KIAA1328: variants seen among roughly 807,000 people sequenced by gnomAD.
The protein encoded by KIAA1328 is KIAA1328.
In KIAA1328, 52 loss-of-function variants were observed where a neutral mutation model predicts 68.1. The ratio of observed to expected loss-of-function variants is 0.76; its 90% confidence interval spans 0.61 to 0.96. KIAA1328 has a LOEUF of 0.96. Ranked by LOEUF, KIAA1328 falls within the 40% of genes least tolerant of loss-of-function variation. The pLI is 0.00. For synonymous variants in KIAA1328, 232 were observed against 239.4 expected (o/e 0.97, Z 0.28); for missense variants, 641 against 677.6 (o/e 0.95, Z 0.60).
At chr18:37,165,490 G>A (rs1329015715) in intron 8 of KIAA1328, among the ~76,000 whole-genome samples, 1 of 151,550 alleles carries the variant, frequency 6.6e-6, no homozygotes, top group East Asian at 1.9e-4. Flanking sequence ...TGCTATATCG[G>A]TTCACTGCAG....
At chr18:36,931,797 G>A (rs753403206) in intron 5 of KIAA1328, among the ~76,000 whole-genome samples, 8 of 150,690 alleles carry the variant, frequency 5.3e-5, no homozygotes, top group Non-Finnish European at 8.8e-5. Context: ...ATACTGTGAT[G>A]CAAATTTTTG....
intron 9 of KIAA1328, among the ~76,000 whole-genome samples, chr18:37,221,365 A>G (rs1240066637): frequency 1.3e-5 from 2 of 152,234 alleles, no homozygotes; most frequent in Non-Finnish European, 2.9e-5. Flanking sequence ...CTAGCCTCTT[A>G]CACATGAAAA....
chr18:37,064,742 T>C (rs1226924274), intron 6 of KIAA1328, among the ~76,000 whole-genome samples: 1 of 151,936 alleles, frequency 6.6e-6, no homozygotes, highest in Non-Finnish European at 1.5e-5. Context: ...CAGTGTGTGA[T>C]GATGATGGAA....
intron 6 of KIAA1328, among the ~76,000 whole-genome samples, chr18:36,979,324 G>T (rs1448901425): frequency 4.6e-5 from 7 of 152,078 alleles, no homozygotes; most frequent in East Asian, 1.9e-4. Flanking sequence ...AAACTGTGAT[G>T]ATTATATGGG....
At position 36,920,203 on chromosome 18, in the gene KIAA1328, A is replaced by G. The variant is rs571563623; in HGVS notation, c.448+34531A>G. 5.3e-5 allele frequency among the ~76,000 whole-genome samples: 8 copies of G among 152,232 alleles called. No individual in the cohort carries two copies. In the South Asian group the frequency reaches 1.5e-3, roughly 28 times the overall value. On this transcript the variant is annotated intron_variant, in intron 5 of 9. Transcript: ENST00000280020. ...TAGTTTGAGATCTTATAAGTCTTTA[A>G]TCCATCTTGAGTTAATTTTTGTATA...
rs917851628 is a variant in KIAA1328, at chr18:37,225,146, G to C, written c.*2919G>C. 3.1e-6 allele frequency: 3 copies of C among 981,702 alleles called. No individual in the cohort carries two copies. Among genetic ancestry groups the C allele is most frequent in the Non-Finnish European group, 3.6e-6 (3 of 827,814 alleles). The allele number at this position is 981,702 out of a possible 1,614,324, so 60.8% of individuals were successfully genotyped here. A position where few individuals can be genotyped will look rare whatever the true frequency, so the allele number is the denominator to read the frequency against. ...TCATAATAGAGATCTTCTGGCCAGAGAATCAGGGGAGAGGAGAGGCCTGAT... is the reference window on the plus strand; with the variant it reads ...TCATAATAGAGATCTTCTGGCCAGACAATCAGGGGAGAGGAGAGGCCTGAT... On this transcript the variant is annotated 3_prime_UTR_variant, in exon 10 of 10. Transcript: ENST00000280020.
Position 36,940,481 on chromosome 18 carries a change from G to A in KIAA1328, c.449-18827G>A, listed in dbSNP as rs148804431. Among the ~76,000 whole-genome samples the A allele has an allele frequency of 4.7e-3, 713 of 152,212 alleles. 4 individuals are homozygous for A. Among genetic ancestry groups the A allele is most frequent in the African/African-American group, 0.016 (675 of 41,522 alleles). On this transcript the variant is annotated intron_variant, in intron 5 of 9. Transcript: ENST00000280020. Reference sequence around the variant, plus strand: ...TCATGAAGTGTACTTTGATAAGAAAGGTATGCCGTTGACAAAGCTTGCTGT... The same window carrying A: ...TCATGAAGTGTACTTTGATAAGAAAAGTATGCCGTTGACAAAGCTTGCTGT...
rs1274273041 is a variant in KIAA1328 at position 37,223,157 on chromosome 18, G to A, written c.*930G>A. On this transcript the variant is annotated 3_prime_UTR_variant, in exon 10 of 10. Coordinates refer to ENST00000280020, the MANE Select transcript of KIAA1328 (RefSeq NM_020776.3). Reference sequence around the variant, plus strand: ...ATGCAAGCTGCTGCAAAGCTGATGGGCTTCCTCTGGCCCTCCCTTTTCCTC... The same window carrying A: ...ATGCAAGCTGCTGCAAAGCTGATGGACTTCCTCTGGCCCTCCCTTTTCCTC... The A allele has an allele frequency of 1.0e-5, 10 of 982,754 alleles. No homozygotes were observed. Among genetic ancestry groups the A allele is most frequent in the Non-Finnish European group, 1.2e-5 (10 of 829,726 alleles). 60.9% of individuals were successfully genotyped at this position (982,754 alleles called of 1,614,324 possible).
intron 7 of KIAA1328, among the ~76,000 whole-genome samples, chr18:37,127,194 C>A (rs2058414204): frequency 6.6e-6 from 1 of 152,200 alleles, no homozygotes; most frequent in African/African-American, 2.4e-5. Flanking sequence ...ACTAGAACTA[C>A]TAAGTGAGTT....
chr18:37,194,463 A>G (rs2059965714), intron 9 of KIAA1328, among the ~76,000 whole-genome samples: 1 of 152,148 alleles, frequency 6.6e-6, no homozygotes, highest in Non-Finnish European at 1.5e-5. Context: ...GAAGAAAGTA[A>G]TCCTTTTTGT....
intron 7 of KIAA1328, among the ~76,000 whole-genome samples, chr18:37,105,883 C>T (rs2057756396): frequency 8.1e-6 from 1 of 122,804 alleles, no homozygotes; most frequent in East Asian, 2.4e-4. Flanking sequence ...CTCCACTGCG[C>T]TCCAGCCTGG....
At chr18:36,890,738 G>A (rs956302216) in intron 5 of KIAA1328, among the ~76,000 whole-genome samples, 3 of 152,164 alleles carry the variant, frequency 2.0e-5, no homozygotes, top group Non-Finnish European at 4.4e-5. Context: ...ACTCCTGAGA[G>A]ACAAAAGCAG....
At chr18:37,213,446 G>A (rs1326163432) in intron 9 of KIAA1328, among the ~76,000 whole-genome samples, 1 of 152,134 alleles carries the variant, frequency 6.6e-6, no homozygotes, top group Non-Finnish European at 1.5e-5. Context: ...ATGGTTTCCA[G>A]CTTCATCCAT....
At chr18:37,096,194 A>G (rs1031143288) in intron 7 of KIAA1328, among the ~76,000 whole-genome samples, 2 of 152,150 alleles carry the variant, frequency 1.3e-5, no homozygotes, top group African/African-American at 4.8e-5. Context: ...GTCACTTAAC[A>G]TTAGGTATAT....
At chr18:37,170,592 T>A (rs2059481150) in intron 8 of KIAA1328, among the ~76,000 whole-genome samples, 1 of 152,292 alleles carries the variant, frequency 6.6e-6, no homozygotes, top group South Asian at 2.1e-4. Context: ...TATCAAAGAA[T>A]CCTACCTCCT....
At chr18:36,847,978 G>T (rs550468859) in intron 4 of KIAA1328, among the ~76,000 whole-genome samples, 3 of 151,710 alleles carry the variant, frequency 2.0e-5, no homozygotes, top group Admixed American at 2.0e-4. Context: ...GCACTGACTT[G>T]ATTAATTTTA....
At chr18:37,121,310 TAAG>T (rs992072049) in intron 7 of KIAA1328, among the ~76,000 whole-genome samples, 24 of 152,262 alleles carry the variant, frequency 1.6e-4, no homozygotes, top group Admixed American at 1.5e-3. Flanking sequence ...TTGTCTTCTA[TAAG>T]AAGAATTCAT....
chr18:37,048,981 A>G (rs879337403), intron 6 of KIAA1328, among the ~76,000 whole-genome samples: 4 of 152,168 alleles, frequency 2.6e-5, no homozygotes, highest in African/African-American at 4.8e-5. Context: ...TGAAAGTAAC[A>G]TTTTCTTTAT....
intron 7 of KIAA1328, among the ~76,000 whole-genome samples, chr18:37,080,733 T>TCG (rs1216422602): frequency 6.7e-6 from 1 of 148,510 alleles, no homozygotes; most frequent in Non-Finnish European, 1.5e-5. Flanking sequence ...TGAGCCGAGA[T>TCG]CGCGCCACTT....
Sources: gnomAD v4.1 joint callset for allele counts (sites outside exome capture counted in the v4.1 genomes callset) on GRCh38, gnomAD v4.1.1 for gene constraint, MANE v1.5 for transcripts, NCBI Gene and HGNC (gene_info 2026-07-23, HGNC 2026-07-21) for gene names.